The following ARHGAP20 variants were observed in gnomAD, a reference collection of about 807,000 sequenced individuals.
ARHGAP20 encodes Rho GTPase activating protein 20, also known as rho GTPase-activating protein 20.
Under a neutral mutation model 73.7 loss-of-function variants are expected in ARHGAP20, and 34 were observed. The ratio of observed to expected loss-of-function variants is 0.46; its 90% confidence interval spans 0.35 to 0.61. The LOEUF (loss-of-function observed/expected upper bound fraction) is 0.61. Among genes scored for constraint, ARHGAP20 ranks in the 20% least tolerant of loss-of-function variants. The pLI is 0.00. For synonymous variants in ARHGAP20, 523 were observed against 518.2 expected (o/e 1.01, Z -0.13); for missense variants, 1,314 against 1,420.9 (o/e 0.92, Z 1.21).
intron 1 of ARHGAP20, 113 bp downstream of exon 1, chr11:110,712,014 G>A: frequency 2.4e-6 from 3 of 1,241,020 alleles, no homozygotes; most frequent in Non-Finnish European, 3.0e-6. Flanking sequence ...AGCCTCGAGC[G>A]TCAAATTCCC....
intron 4 of ARHGAP20, among the ~76,000 whole-genome samples, chr11:110,618,624 A>AGTATATGCAGTGATAGC (rs1565441263): frequency 1.3e-4 from 20 of 148,344 alleles, no homozygotes; most frequent in African/African-American, 1.0e-4. Flanking sequence ...GCAGTGATAG[A>AGTATATGCAGTGATAGC]GTATATGCAG....
At chr11:110,604,142 T>C (rs1948169632) in intron 9 of ARHGAP20, among the ~76,000 whole-genome samples, 1 of 152,200 alleles carries the variant, frequency 6.6e-6, no homozygotes. Context: ...AAAATTTTAC[T>C]ATCTGGCCCC....
intron 11 of ARHGAP20, among the ~76,000 whole-genome samples, chr11:110,590,120 C>CA (rs558720081): frequency 0.066 from 4,231 of 63,666 alleles, 101 homozygotes; most frequent in African/African-American, 0.12. Flanking sequence ...GACCCCGCCT[C>CA]AAAAAAAAAA....
rs1947498311 is a variant in ARHGAP20 at position 110,582,423 on chromosome 11, T to A, written c.1618A>T (p.Ile540Leu). 6.2e-7 allele frequency: 1 copy of A among 1,608,792 alleles called. No individual in the cohort carries two copies. The highest frequency in any genetic ancestry group is 1.3e-5 in the African/African-American group (1 of 74,952). The change falls in exon 14 of 15, where the codon ATA (isoleucine) becomes TTA (leucine). Residue 540 changes from isoleucine (I) to leucine (L), a missense_variant. By Grantham distance (5) the Ile-to-Leu change is conservative. Transcript: ENST00000683387. ...NEFTKKVSLL[I>L]QFLIENCLRI... ...AGGCAATTCTCAATCAGAAATTGTA[T>A]AAGCAGGGAAACCTGTAAGAAAAAG... is the stretch of plus-strand genomic sequence containing the variant.
intron 2 of ARHGAP20, among the ~76,000 whole-genome samples, chr11:110,660,589 C>T (rs954795753): frequency 6.6e-6 from 1 of 151,660 alleles, no homozygotes; most frequent in African/African-American, 2.4e-5. Context: ...ACAGATCTAC[C>T]CTGCCTCCTA....
In ARHGAP20 at chr11:110,659,993, G is replaced by A. The variant is rs368494563; in HGVS notation, c.189-29201C>T. On this transcript the variant is annotated intron_variant, in intron 2 of 14. Coordinates refer to ENST00000683387, the MANE Select transcript of ARHGAP20 (RefSeq NM_001384657.1). ...TGGGTGCAGCGCACCAGCATGGCAC[G>A]TGTATACATATGTAACTAACCTGCA... 2.8e-4 allele frequency among the ~76,000 whole-genome samples: 41 copies of A among 148,720 alleles called. No homozygotes were observed. The East Asian group carries it at 6.2e-3, about 22-fold the overall frequency.
intron 14 of ARHGAP20, among the ~76,000 whole-genome samples, chr11:110,581,841 C>G (rs1947477965): frequency 6.6e-6 from 1 of 151,414 alleles, no homozygotes; most frequent in South Asian, 2.1e-4. Flanking sequence ...AGTGTTCCCC[C>G]ACCTCAAATG....
At chr11:110,613,742 T>C (rs746979206) in intron 6 of ARHGAP20, among the ~76,000 whole-genome samples, 11 of 152,134 alleles carry the variant, frequency 7.2e-5, no homozygotes, top group Non-Finnish European at 1.2e-4. Context: ...AGCAGTGACA[T>C]CTGGCATTCA....
chr11:110,606,535 G>T, intron 9 of ARHGAP20, 26 bp downstream of exon 9: 3 of 1,591,984 alleles, frequency 1.9e-6, no homozygotes. Flanking sequence ...GTTCAAGAAC[G>T]AAAACTTTTG....
chr11:110,620,798 G>A (rs531821951), intron 4 of ARHGAP20, among the ~76,000 whole-genome samples: 38 of 152,174 alleles, frequency 2.5e-4, no homozygotes, highest in Non-Finnish European at 4.9e-4. Flanking sequence ...TCAGCTGGGC[G>A]CGGTGGCTCA....
chr11:110,655,331 C>A (rs1949441571), intron 2 of ARHGAP20, among the ~76,000 whole-genome samples: 1 of 152,084 alleles, frequency 6.6e-6, no homozygotes, highest in African/African-American at 2.4e-5. Context: ...AGAAAGAATT[C>A]TCAAGTTTAG....
chr11:110,592,803 T>C (rs1190992728), intron 9 of ARHGAP20, among the ~76,000 whole-genome samples: 3 of 152,342 alleles, frequency 2.0e-5, no homozygotes, highest in African/African-American at 4.8e-5. Flanking sequence ...AGGAAGCTAA[T>C]GTCCTAAAGT....
In ARHGAP20 at chr11:110,577,543, G is replaced by A. The variant is rs1181626282; in HGVS notation, c.*1827C>T. 1 of 991,908 alleles carries A rather than the reference G, an allele frequency of 1.0e-6. No individual in the cohort carries two copies. Among genetic ancestry groups the A allele is most frequent in the Non-Finnish European group, 1.2e-6 (1 of 834,542 alleles). The allele number at this position is 991,908 out of a possible 1,614,324, so 61.4% of individuals were successfully genotyped here. On this transcript the variant is annotated 3_prime_UTR_variant, in exon 15 of 15. Transcript: ENST00000683387. ...TTAAGAGCTTCATTCACATCTTGCA[G>A]TTCTGACTGACAGTAGTATGCCCTA...
intron 2 of ARHGAP20, among the ~76,000 whole-genome samples, chr11:110,664,563 C>T (rs1170862120): frequency 6.6e-6 from 1 of 151,670 alleles, no homozygotes; most frequent in Non-Finnish European, 1.5e-5. Flanking sequence ...CCCATCTCTA[C>T]CAAAAATACA....
At chr11:110,596,476 C>T (rs1192415121) in intron 9 of ARHGAP20, among the ~76,000 whole-genome samples, 2 of 151,948 alleles carry the variant, frequency 1.3e-5, no homozygotes, top group Admixed American at 6.6e-5. Context: ...AAAAAGTGGG[C>T]AAAGGATATG....
intron 1 of ARHGAP20, chr11:110,691,084 A>C: frequency 8.6e-7 from 1 of 1,161,268 alleles, no homozygotes; most frequent in East Asian, 2.6e-5. Flanking sequence ...CAGTTAAAGC[A>C]AAAGCACAGA....
At chr11:110,676,427 C>T (rs532831536) in intron 2 of ARHGAP20, among the ~76,000 whole-genome samples, 1 of 152,240 alleles carries the variant, frequency 6.6e-6, no homozygotes, top group East Asian at 1.9e-4. Context: ...GCAAACATGT[C>T]CTTCTTTACA....
At chr11:110,659,709 G>T (rs1591149498) in intron 2 of ARHGAP20, among the ~76,000 whole-genome samples, 1 of 152,050 alleles carries the variant, frequency 6.6e-6, no homozygotes, top group Admixed American at 6.6e-5. Flanking sequence ...ATACACCATG[G>T]AATACTACGC....
intron 2 of ARHGAP20, among the ~76,000 whole-genome samples, chr11:110,689,177 T>G (rs1183297200): frequency 6.6e-6 from 1 of 151,982 alleles, no homozygotes; most frequent in Non-Finnish European, 1.5e-5. Context: ...ATTTTGGATT[T>G]TTTTAAGTAG....
Sources: gnomAD v4.1 joint callset for allele counts (sites outside exome capture counted in the v4.1 genomes callset) on GRCh38, gnomAD v4.1.1 for gene constraint, MANE v1.5 for transcripts, NCBI Gene and HGNC (gene_info 2026-07-23, HGNC 2026-07-21) for gene names.